The following CCDC102A variants were observed in gnomAD, a reference collection of about 807,000 sequenced individuals.
CCDC102A encodes the protein coiled-coil domain-containing protein 102A.
CCDC102A carries 40 observed loss-of-function variants against 55.5 expected under a neutral mutation model. The ratio of observed to expected loss-of-function variants is 0.72; its 90% CI spans 0.56 to 0.94. CCDC102A has a LOEUF of 0.94. CCDC102A is among the 40% of genes least tolerant of loss of function. The pLI is 0.00. For missense variants in CCDC102A, 779 were observed against 768.6 expected, an observed-to-expected ratio of 1.01 and a Z score of -0.16; for synonymous variants, 323 against 339.0, an observed-to-expected ratio of 0.95 and a Z score of 0.52.
chr16:57,534,379 G>A (rs2032331976), intron 1 of CCDC102A, among the ~76,000 whole-genome samples: 1 of 152,218 alleles, frequency 6.6e-6, no homozygotes, highest in Admixed American at 6.5e-5. Flanking sequence ...CTTGCTGCAG[G>A]CTAGGCCCTC....
At position 57,516,677 on chromosome 16, in the gene CCDC102A, T is replaced by A; in HGVS notation, c.1249-214A>T. On this transcript the variant is annotated intron_variant, in intron 6 of 8. Transcript: ENST00000258214. The surrounding 1 kb of genome is among the most constrained non-coding windows in gnomAD (Gnocchi z 4.4). ...CTTCCAGGGAGGTGAGAAGGCTGGG[T>A]GGGTGGAACCTGTGGCTCCGGTTTG... 1 of 591,050 alleles carries A rather than the reference T, an allele frequency of 1.7e-6. No individual in the cohort carries two copies. The highest frequency in any genetic ancestry group is 3.0e-6 in the Non-Finnish European group (1 of 331,110). The allele number at this position is 591,050 out of a possible 1,614,324, so 36.6% of individuals were successfully genotyped here. A position where few individuals can be genotyped will look rare whatever the true frequency, so the allele number is the denominator to read the frequency against.
Position 57,521,098 on chromosome 16 carries a change from C to G in CCDC102A, c.891G>C (p.Leu297=). 6.2e-7 allele frequency: 1 copy of G among 1,613,734 alleles called. No individual in the cohort carries two copies. Among genetic ancestry groups the G allele is most frequent in the Non-Finnish European group, 8.5e-7 (1 of 1,179,964 alleles). The change falls in exon 4 of 9, where the codon CTG becomes CTC. Residue 297 remains leucine (L), a synonymous_variant. Transcript: ENST00000258214. ...TGAGCATCTCCTGCTTGGTCTTGCT[C>G]AGCTCCTCATACTTGATCTTCCACT... ...LSQWKIKYEE[L]SKTKQEMLKQ...
At chr16:57,518,427 G>T in intron 5 of CCDC102A, 150 bp from the exon 6 acceptor site, 2 of 849,044 alleles carry the variant, frequency 2.4e-6, no homozygotes, top group Non-Finnish European at 1.8e-6. Flanking sequence ...TCATTTCATG[G>T]TGTACAGGAT....
chr16:57,514,078 G>A (rs2031912990), intron 8 of CCDC102A, among the ~76,000 whole-genome samples: 1 of 152,210 alleles, frequency 6.6e-6, no homozygotes, highest in Non-Finnish European at 1.5e-5. Context: ...CATAGAAGCA[G>A]CGTGATGCTG....
chr16:57,530,408 T>A (rs1479339846), intron 1 of CCDC102A, among the ~76,000 whole-genome samples: 1 of 152,082 alleles, frequency 6.6e-6, no homozygotes, highest in Non-Finnish European at 1.5e-5. Context: ...TCCTTCCCCA[T>A]TAGGCAGAGA....
intron 2 of CCDC102A, 72 bp from the exon 3 acceptor site, chr16:57,526,199 G>A: frequency 8.9e-7 from 1 of 1,119,942 alleles, no homozygotes; most frequent in Non-Finnish European, 1.3e-6. Context: ...CAGCTTGATG[G>A]GTAACCTTGG....
intron 4 of CCDC102A, among the ~76,000 whole-genome samples, chr16:57,520,342 T>G (rs2146702901): frequency 6.6e-6 from 1 of 152,188 alleles, no homozygotes; most frequent in South Asian, 2.1e-4. Context: ...TCTAGCCCCT[T>G]TAGGTCTTGC....
At position 57,526,012 on chromosome 16, in the gene CCDC102A, C is replaced by T. The variant is rs141272360; in HGVS notation, c.701G>A (p.Arg234His). The change falls in exon 3 of 9, where the codon CGC (arginine) becomes CAC (histidine). Residue 234 changes from arginine to histidine, a missense_variant. Arg to His is a conservative substitution (Grantham distance 29). Coordinates refer to ENST00000258214, the MANE Select transcript of CCDC102A (RefSeq NM_033212.4). ...GPRGSSGRQE[R>H]SRLPWEDTAA... ...TGTGTCCTCCCAGGGTAGCCGGCTG[C>T]GCTCCTGGCGGCCTGAGCTGCCCCG... The T allele has an allele frequency of 3.9e-5, 62 of 1,604,976 alleles. No individual in the cohort carries two copies. In the East Asian group the frequency reaches 5.8e-4, roughly 15 times the overall value.
chr16:57,521,030 G>T, intron 4 of CCDC102A, 38 bp downstream of exon 4: 1 of 1,376,630 alleles, frequency 7.3e-7, no homozygotes. Context: ...GCGCGATCCT[G>T]CCGCCTCCAG....
At chr16:57,532,430 C>T (rs1037997100) in intron 1 of CCDC102A, among the ~76,000 whole-genome samples, 12 of 152,174 alleles carry the variant, frequency 7.9e-5, no homozygotes, top group African/African-American at 2.9e-4. Flanking sequence ...CCAGTCTCTC[C>T]GCCTGTGCAG....
chr16:57,512,920 C>A, intron 8 of CCDC102A, 50 bp from the exon 9 acceptor site: 3 of 1,543,638 alleles, frequency 1.9e-6, no homozygotes, highest in Non-Finnish European at 1.8e-6. Flanking sequence ...TGGTAGTCCC[C>A]CGATAAGGTG....
Position 57,512,594 on chromosome 16 carries a change from T to C in CCDC102A, c.*147A>G, listed in dbSNP as rs1321261096. On this transcript the variant is annotated 3_prime_UTR_variant, in exon 9 of 9. Transcript: ENST00000258214. ...CACAGGGCGTTGGTAGGTGGGACTG[T>C]TGACGCCATCCCTGGGAGAGAAGAA... 1 of 978,060 alleles carries C rather than the reference T, an allele frequency of 1.0e-6. No homozygotes were observed. Among genetic ancestry groups the C allele is most frequent in the East Asian group, 2.5e-5 (1 of 40,474 alleles). The allele number at this position is 978,060 out of a possible 1,614,324, so 60.6% of individuals were successfully genotyped here. A position where few individuals can be genotyped will look rare whatever the true frequency, so the allele number is the denominator to read the frequency against.
intron 3 of CCDC102A, among the ~76,000 whole-genome samples, chr16:57,522,404 C>T (rs970254379): frequency 6.6e-6 from 1 of 152,122 alleles, no homozygotes; most frequent in Admixed American, 6.5e-5. Context: ...GTACCTCCCT[C>T]CTGCTGTACC....
intron 2 of CCDC102A, 109 bp downstream of exon 2, chr16:57,528,484 C>G (rs2032182141): frequency 1.2e-6 from 1 of 819,160 alleles, no homozygotes; most frequent in Non-Finnish European, 1.5e-6. Flanking sequence ...GAAGTGAAAC[C>G]TCCAGGAGGC....
intron 4 of CCDC102A, 96 bp from the exon 5 acceptor site, chr16:57,518,837 G>T: frequency 1.1e-6 from 1 of 937,612 alleles, no homozygotes; most frequent in Non-Finnish European, 1.6e-6. Flanking sequence ...TGCTCAGCGT[G>T]GAGCCAAGGC....
intron 2 of CCDC102A, among the ~76,000 whole-genome samples, chr16:57,527,858 A>C (rs1337276888): frequency 2.0e-5 from 3 of 152,228 alleles, no homozygotes; most frequent in Non-Finnish European, 4.4e-5. Context: ...GGCCGTTGCT[A>C]TTACTGCCTT....
intron 8 of CCDC102A, among the ~76,000 whole-genome samples, chr16:57,513,719 C>A (rs1189546951): frequency 6.6e-6 from 1 of 152,212 alleles, no homozygotes; most frequent in Non-Finnish European, 1.5e-5. Context: ...GTGTGTGCTG[C>A]AGGGTCAGAG....
At chr16:57,524,962 C>T (rs1240951883) in intron 3 of CCDC102A, among the ~76,000 whole-genome samples, 1 of 152,166 alleles carries the variant, frequency 6.6e-6, no homozygotes, top group East Asian at 1.9e-4. Context: ...TCTCTTGTCT[C>T]CTCTGCTGTT....
chr16:57,535,903 C>T (rs778605055), intron 1 of CCDC102A, among the ~76,000 whole-genome samples: 3 of 152,282 alleles, frequency 2.0e-5, no homozygotes, highest in Non-Finnish European at 4.4e-5. Context: ...ACACCACCCC[C>T]ACCTAAGGTA....
Sources: gnomAD v4.1 joint callset for allele counts (sites outside exome capture counted in the v4.1 genomes callset) on GRCh38, gnomAD v4.1.1 for gene constraint, Gnocchi (gnomAD v3.1) non-coding constraint, MANE v1.5 for transcripts, NCBI Gene and HGNC (gene_info 2026-07-23, HGNC 2026-07-21) for gene names.